The following POR variants were observed in gnomAD, a reference collection of about 807,000 sequenced individuals.
The protein encoded by POR is NADPH--cytochrome P450 reductase.
In POR, 56 loss-of-function variants were observed where a neutral mutation model predicts 84.0. The ratio of observed to expected loss-of-function variants is 0.67; its 90% CI spans 0.54 to 0.83. The LOEUF is 0.83. Ranked by LOEUF, POR falls within the 40% of genes least tolerant of loss-of-function variation. The pLI, the probability that POR is intolerant of heterozygous loss-of-function variation, is 0.00. For missense variants in POR, 938 were observed against 944.3 expected, an observed-to-expected ratio of 0.99 and a Z score of 0.09; for synonymous variants, 414 against 400.5, an observed-to-expected ratio of 1.03 and a Z score of -0.40.
At chr7:75,915,638 G>A (rs1554547975) in intron 1 of POR, 1 of 152,278 alleles carries the variant, frequency 6.6e-6, no homozygotes, top group African/African-American at 2.4e-5. Flanking sequence ...GCATGCTCAT[G>A]GGACCCGAAT....
intron 1 of POR, among the ~76,000 whole-genome samples, chr7:75,949,137 T>G (rs989912123): frequency 1.1e-4 from 17 of 151,136 alleles, no homozygotes; most frequent in Admixed American, 5.3e-4. Context: ...ACTTCAGGGC[T>G]TTGTTGTTGT....
chr7:75,981,656 C>G, intron 7 of POR, 50 bp downstream of exon 7: 1 of 1,485,354 alleles, frequency 6.7e-7, no homozygotes. Context: ...GGTCCTGTGC[C>G]GAGGGCAGCC....
chr7:75,979,370 G>A, intron 3 of POR, 81 bp from the exon 4 acceptor site: 2 of 1,542,834 alleles, frequency 1.3e-6, no homozygotes, highest in Non-Finnish European at 1.8e-6. Context: ...GCCCCCGCCT[G>A]CCAGGCCTGC....
chr7:75,981,726 G>A (rs1272531419), intron 7 of POR, 120 bp downstream of exon 7: 6 of 810,910 alleles, frequency 7.4e-6, no homozygotes, highest in Non-Finnish European at 1.2e-5. Context: ...CCGTCATAGG[G>A]TCGAGGAGGG....
chr7:75,923,200 A>G (rs1806959673), intron 1 of POR: 2 of 1,135,530 alleles, frequency 1.8e-6, no homozygotes, highest in African/African-American at 1.5e-5. Flanking sequence ...GAATAAGACC[A>G]TCCCTCTGAC....
At position 75,960,237 on chromosome 7, in the gene POR, G is replaced by A. The variant is rs752268099; in HGVS notation, c.188+6057G>A. ...GCCTGGGATGCCAAGGCTGCCGAGCGCCGAGCTCACACCGCTGCACTCCAG... is the reference window on the plus strand; with the variant it reads ...GCCTGGGATGCCAAGGCTGCCGAGCACCGAGCTCACACCGCTGCACTCCAG... On this transcript the variant is annotated intron_variant, in intron 2 of 15. Transcript: ENST00000461988. Among the ~76,000 whole-genome samples, 7 of 151,996 alleles carry A rather than the reference G, an allele frequency of 4.6e-5. No individual in the cohort carries two copies. In the East Asian group the frequency reaches 5.8e-4, roughly 13 times the overall value.
At position 75,945,757 on chromosome 7, in the gene POR, T is replaced by C. The variant is rs1275755468; in HGVS notation, c.-4-8232T>C. Among the ~76,000 whole-genome samples, 5 of 152,294 alleles carry C rather than the reference T, an allele frequency of 3.3e-5. No individual in the cohort carries two copies. In the East Asian group the frequency reaches 9.6e-4, roughly 29 times the overall value. On this transcript the variant is annotated intron_variant, in intron 1 of 15. Transcript: ENST00000461988. ...GTGACAGCTAAAGGGTTGACTAAAT[T>C]ACAAGTTTTATTCTTTCCTTTCTTG... is the stretch of plus-strand genomic sequence containing the variant.
intron 1 of POR, among the ~76,000 whole-genome samples, chr7:75,942,966 T>A (rs1364409485): frequency 2.0e-5 from 3 of 151,416 alleles, no homozygotes; most frequent in Non-Finnish European, 2.9e-5. Flanking sequence ...TTTTTTTTTT[T>A]ATTGAGATGG....
chr7:75,985,976 G>A lies in POR; in HGVS notation c.1723G>A (p.Asp575Asn), dbSNP rs781931877. The change falls in exon 14 of 16, where the codon GAC becomes AAC. Residue 575 changes from aspartate to asparagine, a missense_variant. Physicochemically the swap from Asp to Asn is conservative, Grantham distance 23. Transcript: ENST00000461988. ...CTACGGCTGCCGCCGCTCGGATGAG[G>A]ACTACCTGTACCGGGAGGAGCTGGC... 43 of 1,584,648 alleles carry A rather than the reference G, an allele frequency of 2.7e-5. No homozygotes were observed. In the Admixed American group the frequency reaches 6.5e-4, roughly 24 times the overall value.
rs78405078 is a variant in POR at position 75,965,648 on chromosome 7, C to T, written c.189-6765C>T. 9.8e-4 allele frequency among the ~76,000 whole-genome samples: 149 copies of T among 152,288 alleles called. 2 individuals are homozygous for T. The East Asian group carries it at 0.023, about 24-fold the overall frequency. On this transcript the variant is annotated intron_variant, in intron 2 of 15. Transcript: ENST00000461988. ...ACCCTGAGTTTCTCTTCTCTGTCTC[C>T]GGAAAATTAGCCCTAGTCCTGGCCA...
chr7:75,967,943 G>A (rs1228983619), intron 2 of POR: 8 of 422,134 alleles, frequency 1.9e-5, no homozygotes, highest in South Asian at 6.4e-5. Flanking sequence ...TTGAGGCCAC[G>A]GGCCCAGGCA....
intron 2 of POR, among the ~76,000 whole-genome samples, chr7:75,965,345 T>C (rs1788132160): frequency 6.6e-6 from 1 of 152,168 alleles, no homozygotes. Context: ...GGTGATGTTC[T>C]TATCTCCATT....
At chr7:75,966,281 G>A (rs968353244) in intron 2 of POR, among the ~76,000 whole-genome samples, 4 of 152,068 alleles carry the variant, frequency 2.6e-5, no homozygotes, top group East Asian at 1.9e-4. Context: ...CCCTCCCCAC[G>A]TGTTCATCAG....
At chr7:75,931,641 T>A (rs192251919) in intron 1 of POR, among the ~76,000 whole-genome samples, 797 of 152,146 alleles carry the variant, frequency 5.2e-3, no homozygotes, top group South Asian at 0.015. Context: ...AGTGCTGGGA[T>A]TACAGGTGTG....
intron 5 of POR, 62 bp from the exon 6 acceptor site, chr7:75,980,963 GTGGGGCCTCCCGCCCTGCCCCCA>G (rs1179115300): frequency 4.2e-6 from 6 of 1,442,138 alleles, no homozygotes; most frequent in African/African-American, 2.9e-5. Context: ...AGCCAGTGCT[GTGGGGCCTCCCGCCCTGCCCCCA>G]TGGCCCCTCC....
chr7:75,981,910 C>T (rs959788021), intron 7 of POR: 5 of 570,328 alleles, frequency 8.8e-6, no homozygotes, highest in African/African-American at 7.5e-5. Flanking sequence ...TGGCCAAAAA[C>T]ATAACGTTCC....
chr7:75,919,281 A>G (rs1412496697), intron 1 of POR, among the ~76,000 whole-genome samples: 1 of 152,082 alleles, frequency 6.6e-6, no homozygotes, highest in Non-Finnish European at 1.5e-5. Context: ...ACTGTTTTAG[A>G]GCTCTACATC....
At chr7:75,930,422 T>G (rs1001931686) in intron 1 of POR, among the ~76,000 whole-genome samples, 1 of 152,082 alleles carries the variant, frequency 6.6e-6, no homozygotes, top group Admixed American at 6.6e-5. Context: ...GTAGAGGTTG[T>G]GGTGACCTAT....
chr7:75,955,405 C>T (rs1178217645), intron 2 of POR, among the ~76,000 whole-genome samples: 1 of 152,216 alleles, frequency 6.6e-6, no homozygotes, highest in Non-Finnish European at 1.5e-5. Flanking sequence ...GATTGATTTC[C>T]ATAAGCCACA....
Sources: allele counts gnomAD v4.1 joint callset (sites outside exome capture counted in the v4.1 genomes callset), GRCh38; gene constraint gnomAD v4.1.1; transcripts MANE v1.5; gene names NCBI Gene and HGNC (gene_info 2026-07-23, HGNC 2026-07-21).